Variants in SNX7 observed in about 807,000 individuals in gnomAD.
The protein encoded by SNX7 is sorting nexin 7, also known as sorting nexin-7.
A neutral mutation model predicts 48.4 loss-of-function variants in SNX7; 35 were observed. The ratio of observed to expected loss-of-function variants is 0.72; its 90% confidence interval spans 0.55 to 0.96. The LOEUF (loss-of-function observed/expected upper bound fraction) is 0.96, where lower values mean the gene tolerates loss of function less well. SNX7 is among the 40% of genes least tolerant of loss of function. The pLI, the probability that SNX7 is intolerant of heterozygous loss-of-function variation, is 0.00. For synonymous variants in SNX7, 190 were observed against 190.2 expected (o/e 1.00, Z 0.01); for missense variants, 553 against 548.9 (o/e 1.01, Z -0.07).
chr1:98,694,698 C>G (rs956142298), intron 4 of SNX7, among the ~76,000 whole-genome samples: 1 of 139,784 alleles, frequency 7.2e-6, no homozygotes, highest in Non-Finnish European at 1.5e-5. Flanking sequence ...ACCTCTGCCT[C>G]CTGGGTTCAC....
intron 7 of SNX7, among the ~76,000 whole-genome samples, chr1:98,736,672 C>T (rs188319974): frequency 2.0e-5 from 3 of 152,248 alleles, no homozygotes. Flanking sequence ...ATACATCTTA[C>T]ATTGGTCATG....
chr1:98,709,942 A>G (rs12036227), intron 7 of SNX7, among the ~76,000 whole-genome samples: 5,675 of 152,278 alleles, frequency 0.037, 236 homozygotes, highest in East Asian at 0.19. Context: ...ATGGAATCTA[A>G]TAAGGAATAA....
At chr1:98,699,737 C>G (rs1651655642) in intron 6 of SNX7, among the ~76,000 whole-genome samples, 1 of 152,154 alleles carries the variant, frequency 6.6e-6, no homozygotes, top group East Asian at 1.9e-4. Context: ...GTCTGAAAAG[C>G]TCACTTTGTG....
intron 7 of SNX7, among the ~76,000 whole-genome samples, chr1:98,708,323 G>A (rs1234105771): frequency 6.6e-6 from 1 of 152,084 alleles, no homozygotes; most frequent in African/African-American, 2.4e-5. Flanking sequence ...CCTTTTATCA[G>A]TTTATCCTAA....
chr1:98,751,276 A>G (rs925750621), intron 8 of SNX7, among the ~76,000 whole-genome samples: 18 of 152,220 alleles, frequency 1.2e-4, no homozygotes, highest in African/African-American at 4.3e-4. Context: ...AGAGCCGAAG[A>G]GACATTTACC....
intron 2 of SNX7, among the ~76,000 whole-genome samples, chr1:98,687,680 G>T (rs10875173): frequency 6.6e-6 from 1 of 152,096 alleles, no homozygotes; most frequent in Non-Finnish European, 1.5e-5. Context: ...AATTAATTTT[G>T]TACTGTGTTA....
At chr1:98,714,293 AC>A (rs1452640955) in intron 7 of SNX7, among the ~76,000 whole-genome samples, 1 of 152,146 alleles carries the variant, frequency 6.6e-6, no homozygotes, top group Non-Finnish European at 1.5e-5. Context: ...CTAAGCATTC[AC>A]ATATATCAGC....
At chr1:98,758,932 TACACAC>T (rs3841351) in intron 8 of SNX7, among the ~76,000 whole-genome samples, 10 of 150,888 alleles carry the variant, frequency 6.6e-5, no homozygotes, top group Non-Finnish European at 1.2e-4. Context: ...TGTTTGTGCA[TACACAC>T]ACACACACAC....
chr1:98,669,559 T>A lies in SNX7; in HGVS notation c.180+7648T>A, dbSNP rs144903163. Among the ~76,000 whole-genome samples the A allele has an allele frequency of 8.5e-5, 13 of 152,354 alleles. No individual in the cohort carries two copies. In the East Asian group the frequency reaches 2.3e-3, roughly 27 times the overall value. On this transcript the variant is annotated intron_variant, in intron 1 of 8. Transcript: ENST00000306121. ...TCAGTTCCATGACTGTTACATCACC[T>A]GGGAGCTGGTTACAAATGCAGTCTC... is the stretch of plus-strand genomic sequence containing the variant.
intron 1 of SNX7, among the ~76,000 whole-genome samples, chr1:98,677,863 G>A (rs1433041543): frequency 7.4e-6 from 1 of 135,300 alleles, no homozygotes; most frequent in African/African-American, 2.7e-5. Flanking sequence ...GGGTGACAGA[G>A]CGAGACGCTG....
intron 8 of SNX7, 110 bp downstream of exon 8, chr1:98,738,499 C>G: frequency 1.9e-6 from 2 of 1,030,480 alleles, no homozygotes; most frequent in Non-Finnish European, 2.8e-6. Flanking sequence ...CATTCTAATG[C>G]CTCTCTGGTA....
chr1:98,708,549 T>C (rs887332064), intron 7 of SNX7, among the ~76,000 whole-genome samples: 2 of 152,012 alleles, frequency 1.3e-5, no homozygotes, highest in African/African-American at 4.8e-5. Context: ...TAAATGCTGG[T>C]CACAGACAGT....
chr1:98,732,829 C>T (rs6684762), intron 7 of SNX7, among the ~76,000 whole-genome samples: 1 of 152,050 alleles, frequency 6.6e-6, no homozygotes, highest in African/African-American at 2.4e-5. Context: ...TCAGTTTAAG[C>T]ATCATTGAAA....
intron 7 of SNX7, among the ~76,000 whole-genome samples, chr1:98,727,757 C>T (rs897096866): frequency 6.6e-6 from 1 of 151,506 alleles, no homozygotes; most frequent in African/African-American, 2.4e-5. Context: ...TATCAATAAC[C>T]GAATAGACCA....
intron 2 of SNX7, among the ~76,000 whole-genome samples, chr1:98,689,674 C>T (rs1320401477): frequency 6.6e-6 from 1 of 152,078 alleles, no homozygotes; most frequent in African/African-American, 2.4e-5. Context: ...TGGACCTGTA[C>T]GTATGTACCC....
At chr1:98,694,507 G>A (rs1339095021) in intron 4 of SNX7, among the ~76,000 whole-genome samples, 3 of 151,466 alleles carry the variant, frequency 2.0e-5, no homozygotes, top group East Asian at 3.9e-4. Context: ...GACTTTAAGC[G>A]GGCAGAGCAA....
chr1:98,721,153 T>C (rs541957324), intron 7 of SNX7, among the ~76,000 whole-genome samples: 23 of 152,220 alleles, frequency 1.5e-4, no homozygotes, highest in African/African-American at 5.5e-4. Context: ...CTGGTACTTT[T>C]TGAGTACTGA....
At chr1:98,746,857 A>T (rs1271629737) in intron 8 of SNX7, among the ~76,000 whole-genome samples, 2 of 152,060 alleles carry the variant, frequency 1.3e-5, no homozygotes, top group Non-Finnish European at 2.9e-5. Context: ...GTAAATCTAA[A>T]ATCTAACTAG....
intron 7 of SNX7, among the ~76,000 whole-genome samples, chr1:98,709,755 A>G (rs1413826091): frequency 2.0e-5 from 3 of 152,088 alleles, no homozygotes; most frequent in African/African-American, 2.4e-5. Context: ...TTACTAGACT[A>G]TTGAGAGCCC....
Sources: allele counts gnomAD v4.1 joint callset (sites outside exome capture counted in the v4.1 genomes callset), GRCh38; gene constraint gnomAD v4.1.1; transcripts MANE v1.5; gene names NCBI Gene and HGNC (gene_info 2026-07-23, HGNC 2026-07-21).